KCNT2: variants seen among roughly 807,000 people sequenced by gnomAD.
KCNT2 encodes the protein potassium channel subfamily T member 2.
A neutral mutation model predicts 153.8 loss-of-function variants in KCNT2; 67 were observed. That is an observed-to-expected ratio of 0.44 (90% CI 0.36 to 0.53). KCNT2 has a LOEUF of 0.53. Ranked by LOEUF, KCNT2 falls within the 20% of genes least tolerant of loss-of-function variation. The pLI is 0.00. For missense variants in KCNT2, 975 were observed against 1,354.8 expected (o/e 0.72, Z 4.40); for synonymous variants, 500 against 458.8 (o/e 1.09, Z -1.15).
intron 15 of KCNT2, among the ~76,000 whole-genome samples, chr1:196,341,772 T>C (rs1285223347): frequency 1.3e-5 from 2 of 152,074 alleles, no homozygotes; most frequent in Non-Finnish European, 2.9e-5. Flanking sequence ...AATCAACATC[T>C]TAAAATTCAG....
At chr1:196,452,564 G>A (rs567723839) in intron 8 of KCNT2, among the ~76,000 whole-genome samples, 2 of 151,930 alleles carry the variant, frequency 1.3e-5, no homozygotes, top group African/African-American at 4.8e-5. Flanking sequence ...GCTATGTTTT[G>A]GAAACTATGT....
At chr1:196,518,360 A>C (rs1390884938) in intron 1 of KCNT2, among the ~76,000 whole-genome samples, 3 of 152,120 alleles carry the variant, frequency 2.0e-5, no homozygotes, top group African/African-American at 7.2e-5. Context: ...CAAAAAAGCC[A>C]GCATAATAAC....
chr1:196,258,579 ATTGT>A, intron 25 of KCNT2, 85 bp from the exon 26 acceptor site: 5 of 1,060,186 alleles, frequency 4.7e-6, no homozygotes, highest in Non-Finnish European at 6.8e-6. Context: ...TTGCTAATAT[ATTGT>A]TATATTTCTA....
At chr1:196,491,013 A>C (rs1679817631) in intron 2 of KCNT2, among the ~76,000 whole-genome samples, 1 of 152,050 alleles carries the variant, frequency 6.6e-6, no homozygotes, top group Admixed American at 6.6e-5. Flanking sequence ...TAAAATGCTG[A>C]ATACATTTTA....
intron 1 of KCNT2, among the ~76,000 whole-genome samples, chr1:196,494,886 T>G (rs1315843763): frequency 6.6e-6 from 1 of 152,048 alleles, no homozygotes; most frequent in Non-Finnish European, 1.5e-5. Flanking sequence ...ATGAGAATTA[T>G]CCAACTTTGA....
In KCNT2 at chr1:196,340,368, G is replaced by A; in HGVS notation, c.1756C>T (p.Pro586Ser). 1 of 1,609,428 alleles carries A rather than the reference G, an allele frequency of 6.2e-7. No individual in the cohort carries two copies. The highest frequency in any genetic ancestry group is 8.5e-7 in the Non-Finnish European group (1 of 1,177,210). The change falls in exon 16 of 28, where the codon CCT becomes TCT. Residue 586 changes from proline to serine, a missense_variant. By Grantham distance (74) the Pro-to-Ser change is moderately conservative. Transcript: ENST00000294725. ...ATGCTGGCAATTATGCTATGTACAG[G>A]TAATCTGGAAGGTCCATGATAAAAC... ...RSFYHGPSRL[P>S]VHSIIASMGT...
intron 1 of KCNT2, among the ~76,000 whole-genome samples, chr1:196,518,353 A>C (rs1167261570): frequency 6.6e-6 from 1 of 152,116 alleles, no homozygotes; most frequent in East Asian, 1.9e-4. Flanking sequence ...AACCACACAA[A>C]AAAGCCAGCA....
intron 19 of KCNT2, among the ~76,000 whole-genome samples, chr1:196,320,413 C>T (rs1663179105): frequency 6.6e-6 from 1 of 151,720 alleles, no homozygotes; most frequent in Non-Finnish European, 1.5e-5. Flanking sequence ...TGTACAAAAT[C>T]ATACAATTCT....
chr1:196,436,327 CA>C (rs1193265601), intron 8 of KCNT2, among the ~76,000 whole-genome samples: 1 of 151,440 alleles, frequency 6.6e-6, no homozygotes, highest in African/African-American at 2.4e-5. Context: ...ACTATCTCTT[CA>C]AAAAGTAATT....
At chr1:196,550,774 T>C (rs113654644) in intron 1 of KCNT2, among the ~76,000 whole-genome samples, 2 of 151,754 alleles carry the variant, frequency 1.3e-5, no homozygotes, top group East Asian at 3.9e-4. Flanking sequence ...CAGATGCTTC[T>C]ATTCTCTGAA....
At chr1:196,329,950 C>CATACATATAT (rs1664284167) in intron 18 of KCNT2, among the ~76,000 whole-genome samples, 1 of 73,540 alleles carries the variant, frequency 1.4e-5, no homozygotes, top group Non-Finnish European at 2.5e-5. Context: ...TTCCTCAAGA[C>CATACATATAT]ATATATATAT....
chr1:196,247,738 G>T (rs1413270855), intron 26 of KCNT2, among the ~76,000 whole-genome samples: 2 of 152,036 alleles, frequency 1.3e-5, no homozygotes, highest in Non-Finnish European at 2.9e-5. Flanking sequence ...CTCCCAGCAG[G>T]TCCCTCCCAC....
chr1:196,567,780 T>C (rs1285530629), intron 1 of KCNT2, among the ~76,000 whole-genome samples: 2 of 152,168 alleles, frequency 1.3e-5, no homozygotes, highest in Admixed American at 6.5e-5. Flanking sequence ...ATGTAGGAAA[T>C]AGGATATGGA....
At chr1:196,567,942 T>C (rs2148941518) in intron 1 of KCNT2, among the ~76,000 whole-genome samples, 1 of 152,332 alleles carries the variant, frequency 6.6e-6, no homozygotes. Flanking sequence ...TTTTTCACAA[T>C]TCTTAGCAGC....
At chr1:196,520,959 AAACTT>A (rs1186231198) in intron 1 of KCNT2, among the ~76,000 whole-genome samples, 2 of 152,230 alleles carry the variant, frequency 1.3e-5, no homozygotes, top group African/African-American at 4.8e-5. Context: ...GGATCTAATT[AAACTT>A]AAGAGCTTCT....
chr1:196,344,533 C>T (rs1665970933), intron 14 of KCNT2, among the ~76,000 whole-genome samples: 1 of 152,112 alleles, frequency 6.6e-6, no homozygotes, highest in Non-Finnish European at 1.5e-5. Flanking sequence ...TACTATTTAG[C>T]AAGATGATAC....
intron 1 of KCNT2, among the ~76,000 whole-genome samples, chr1:196,567,845 T>C (rs922025269): frequency 2.8e-4 from 43 of 152,230 alleles, no homozygotes; most frequent in African/African-American, 1.0e-3. Flanking sequence ...CCCTCAGTAC[T>C]GGAACCTTTC....
intron 12 of KCNT2, among the ~76,000 whole-genome samples, chr1:196,410,514 A>C (rs966363051): frequency 1.3e-5 from 2 of 151,582 alleles, no homozygotes; most frequent in African/African-American, 4.8e-5. Context: ...ACACATACAC[A>C]TATGTAACTA....
chr1:196,476,047 A>T (rs922526883), intron 5 of KCNT2, among the ~76,000 whole-genome samples: 15 of 152,232 alleles, frequency 9.9e-5, no homozygotes, highest in Non-Finnish European at 1.9e-4. Context: ...TTGCAATAAA[A>T]ATTATCTTGA....
Sources: gnomAD v4.1 joint callset for allele counts (sites outside exome capture counted in the v4.1 genomes callset) on GRCh38, gnomAD v4.1.1 for gene constraint, MANE v1.5 for transcripts, NCBI Gene and HGNC (gene_info 2026-07-23, HGNC 2026-07-21) for gene names.